Variants in C16orf46 observed in about 807,000 individuals in gnomAD.
The protein encoded by C16orf46 is chromosome 16 open reading frame 46.
C16orf46 carries 7 observed loss-of-function variants against 5.5 expected under a neutral mutation model. The ratio of observed to expected loss-of-function variants is 1.28; its 90% CI spans 0.73 to 2.40. The LOEUF (loss-of-function observed/expected upper bound fraction) is 2.40, where lower values mean the gene tolerates loss of function less well. C16orf46 is among the 30% of genes most tolerant of loss of function. The pLI, the probability that C16orf46 is intolerant of heterozygous loss-of-function variation, is 0.00. For synonymous variants in C16orf46, 200 were observed against 184.1 expected (o/e 1.09, Z -0.70); for missense variants, 614 against 476.0 (o/e 1.29, Z -2.70).
At chr16:81,053,964 T>C in exon 4 of C16orf46, 1 of 1,227,932 alleles carries the variant, frequency 8.1e-7, no homozygotes, top group South Asian at 1.2e-5. Flanking sequence ...GACTCTCTGC[T>C]TTCTGGTGAT....
chr16:81,057,637 T>C (rs1254594599), downstream of C16orf46, among the ~76,000 whole-genome samples: 4 of 151,544 alleles, frequency 2.6e-5, no homozygotes, highest in African/African-American at 9.7e-5. Flanking sequence ...GTTTTTACCA[T>C]CATCATCTTT....
chr16:81,058,386 A>C (rs144068208), downstream of C16orf46, among the ~76,000 whole-genome samples: 13 of 152,316 alleles, frequency 8.5e-5, no homozygotes, highest in East Asian at 2.3e-3. Context: ...TTTTTCCTGG[A>C]ACACCTCCGT....
rs753878988 is a variant in C16orf46 at position 81,063,873 on chromosome 16, G to A, written c.83C>T (p.Thr28Ile). ...ACTTTTTCCATCTGGACAAGTATAGGTTGGTTCTGTTTCTTCTGTGAACTG... is the reference window on the plus strand; with the variant it reads ...ACTTTTTCCATCTGGACAAGTATAGATTGGTTCTGTTTCTTCTGTGAACTG... ...EIQFTEETEP[T>I]YTCPDGKSEK... The change falls in exon 3 of 4, where the codon ACC (threonine) becomes ATC (isoleucine). Residue 28 changes from threonine to isoleucine, a missense_variant. Coordinates refer to ENST00000299578, the MANE Select transcript of C16orf46 (RefSeq NM_152337.3). 36 of 1,613,228 alleles carry A rather than the reference G, an allele frequency of 2.2e-5. No homozygotes were observed. In the Middle Eastern group the frequency reaches 1.2e-3, roughly 52 times the overall value.
chr16:81,076,786 C>G (rs1398821937), intron 1 of C16orf46: 4 of 152,476 alleles, frequency 2.6e-5, no homozygotes, highest in Non-Finnish European at 4.4e-5. Flanking sequence ...TGCCATAAGC[C>G]TTTTTTCCTC....
At chr16:81,062,568 G>A (rs1971521852) in intron 3 of C16orf46, among the ~76,000 whole-genome samples, 2 of 152,182 alleles carry the variant, frequency 1.3e-5, no homozygotes, top group Non-Finnish European at 2.9e-5. Flanking sequence ...CCACCAACAA[G>A]GATTTCGGGC....
At chr16:81,056,063 T>TAA (rs988450306), downstream of C16orf46, 2 of 152,184 alleles carry the variant, frequency 1.3e-5, no homozygotes, top group Non-Finnish European at 2.9e-5. Context: ...ATTTGTAGTT[T>TAA]AAGCTAAACG....
chr16:81,058,877 C>G (rs990248818), downstream of C16orf46, among the ~76,000 whole-genome samples: 1 of 152,150 alleles, frequency 6.6e-6, no homozygotes, highest in African/African-American at 2.4e-5. Flanking sequence ...CGTCCCCGAC[C>G]TGTGAAATAT....
At chr16:81,054,544 T>C (rs1348254128) in intron 3 of C16orf46, among the ~76,000 whole-genome samples, 2 of 152,182 alleles carry the variant, frequency 1.3e-5, no homozygotes, top group Non-Finnish European at 2.9e-5. Flanking sequence ...TATATACATG[T>C]TGGCCAGGCT....
chr16:81,067,207 G>T (rs1176822978), intron 1 of C16orf46, among the ~76,000 whole-genome samples: 2 of 152,158 alleles, frequency 1.3e-5, no homozygotes, highest in East Asian at 3.8e-4. Context: ...AGCATTTAAA[G>T]ACAGATACAA....
In C16orf46 at chr16:81,061,432, T is replaced by C; in HGVS notation, c.917A>G (p.Glu306Gly). ...GTCTGGAGGGCACGCCAGGTTTTTC[T>C]CAGACAGGAGGGACCAATGCAGGCA... ...QRCLHWSLLS[E>G]KNLACPPDPS... The change falls in exon 4 of 4, where the codon GAG becomes GGG. Residue 306 changes from glutamate to glycine, a missense_variant. Glu to Gly is a moderately conservative substitution (Grantham distance 98). Transcript: ENST00000299578. The C allele has an allele frequency of 6.2e-7, 1 of 1,614,150 alleles. No homozygotes were observed. The highest frequency in any genetic ancestry group is 8.5e-7 in the Non-Finnish European group (1 of 1,180,036).
intron 1 of C16orf46, among the ~76,000 whole-genome samples, chr16:81,073,579 G>C (rs1490063465): frequency 6.6e-6 from 1 of 152,110 alleles, no homozygotes; most frequent in African/African-American, 2.4e-5. Context: ...ATGTAATTAT[G>C]GTTATTAACC....
chr16:81,056,701 A>C (rs1971306960), downstream of C16orf46, among the ~76,000 whole-genome samples: 1 of 150,182 alleles, frequency 6.7e-6, no homozygotes. Context: ...GTCTCAAAAA[A>C]AAAAAAAAAA....
downstream of C16orf46, among the ~76,000 whole-genome samples, chr16:81,059,913 T>C (rs1207892261): frequency 1.3e-5 from 2 of 151,666 alleles, no homozygotes; most frequent in East Asian, 1.9e-4. Flanking sequence ...CTCAGCCTCC[T>C]GAGTAGCTGG....
intron 1 of C16orf46, among the ~76,000 whole-genome samples, chr16:81,068,921 T>A (rs1971747355): frequency 6.6e-6 from 1 of 151,852 alleles, no homozygotes; most frequent in Non-Finnish European, 1.5e-5. Context: ...GCCAAGCTGG[T>A]CATGAACTCC....
Position 81,061,008 on chromosome 16 carries a change from C to CG in C16orf46, c.*152_*153insC. The CG allele has an allele frequency of 1.8e-6, 2 of 1,126,736 alleles. No homozygotes were observed. Among genetic ancestry groups the CG allele is most frequent in the Non-Finnish European group, 2.2e-6 (2 of 897,558 alleles). 69.8% of individuals were successfully genotyped at this position (1,126,736 alleles called of 1,614,324 possible). On this transcript the variant is annotated 3_prime_UTR_variant, in exon 4 of 4. Transcript: ENST00000299578. ...GGTTCAGTTTTCTTCAGTTGTACTACAAAAAAAAAATGGAGGAAAAGAAGA... is the reference window on the plus strand; with the variant it reads ...GGTTCAGTTTTCTTCAGTTGTACTACGAAAAAAAAAATGGAGGAAAAGAAGA...
downstream of C16orf46, chr16:81,060,939 C>A: frequency 3.0e-6 from 4 of 1,318,304 alleles, no homozygotes; most frequent in Non-Finnish European, 3.9e-6. Flanking sequence ...CACGTTAACA[C>A]ATGAATATGG....
chr16:81,061,225 G>C lies in C16orf46; in HGVS notation c.1124C>G (p.Pro375Arg). Residue 375 changes from proline (P) to arginine (R), a missense_variant, in exon 4 of 4, where the codon CCT becomes CGT. By Grantham distance (103) the Pro-to-Arg change is moderately radical (BLOSUM62 -2). Coordinates refer to ENST00000299578, the MANE Select transcript of C16orf46 (RefSeq NM_152337.3). ...QMLETKVFPR[P>R]VLPSLTVSRV... ...GCTCACTGTGAGAGACGGCAAGACA[G>C]GTCTTGGGAAAACTTTGGTCTCCAG... 1 of 1,614,126 alleles carries C rather than the reference G, an allele frequency of 6.2e-7. No individual in the cohort carries two copies. Among genetic ancestry groups the C allele is most frequent in the Non-Finnish European group, 8.5e-7 (1 of 1,180,016 alleles).
At chr16:81,053,500 TAGTA>T (rs1971206369) in exon 4 of C16orf46, 1 of 152,214 alleles carries the variant, frequency 6.6e-6, no homozygotes, top group Admixed American at 6.5e-5. Flanking sequence ...TCATAAATAT[TAGTA>T]AGACAATTTT....
At chr16:81,053,885 C>T (rs1277771092) in exon 4 of C16orf46, 2 of 574,866 alleles carry the variant, frequency 3.5e-6, no homozygotes, top group East Asian at 5.6e-5. Context: ...GAGCCGATGA[C>T]CATGGCAGGT....
Sources: allele counts gnomAD v4.1 joint callset (sites outside exome capture counted in the v4.1 genomes callset), GRCh38; gene constraint gnomAD v4.1.1; transcripts MANE v1.5; gene names NCBI Gene and HGNC (gene_info 2026-07-23, HGNC 2026-07-21).